The following TNFSF11 variants were observed in gnomAD, a reference collection of about 807,000 sequenced individuals.
TNFSF11 encodes tumor necrosis factor ligand superfamily member 11.
Under a neutral mutation model 32.2 loss-of-function variants are expected in TNFSF11, and 12 were observed. The ratio of observed to expected loss-of-function variants is 0.37; its 90% confidence interval spans 0.24 to 0.60. The LOEUF is 0.60. Among genes scored for constraint, TNFSF11 ranks in the 20% least tolerant of loss-of-function variants. The probability of loss-of-function intolerance (pLI) is 0.66; values close to 1 mark genes in which losing one functional copy is unlikely to be tolerated. For synonymous variants in TNFSF11, 172 were observed against 152.1 expected (o/e 1.13, Z -0.96); for missense variants, 345 against 398.0 (o/e 0.87, Z 1.13).
rs1169547336 is a variant in TNFSF11, at chr13:42,599,382, A to ATCTATCTATCTATCTG, written c.388-1367_388-1366insATCTATCTATCTGTCT. Among the ~76,000 whole-genome samples the ATCTATCTATCTATCTG allele has an allele frequency of 1.6e-3, 241 of 150,836 alleles. 1 individual carries two copies. The highest frequency in any genetic ancestry group is 5.7e-3 in the African/African-American group (231 of 40,734). On this transcript the variant is annotated intron_variant, in intron 2 of 4. Coordinates refer to ENST00000398795, the MANE Select transcript of TNFSF11 (RefSeq NM_003701.4). ...TATCTATCTATCTATCTATCTATCTATCTGTCTATCTCAAAGCCCTCCTCT... is the reference window on the plus strand; with the variant it reads ...TATCTATCTATCTATCTATCTATCTATCTATCTATCTATCTGTCTGTCTATCTCAAAGCCCTCCTCT...
At chr13:42,589,998 G>C (rs931381909) in intron 2 of TNFSF11, among the ~76,000 whole-genome samples, 1 of 152,218 alleles carries the variant, frequency 6.6e-6, no homozygotes, top group Admixed American at 6.5e-5. Flanking sequence ...ACCCACCTGT[G>C]GGGGTAGGTG....
At chr13:42,585,033 G>A (rs1303450929) in intron 2 of TNFSF11, among the ~76,000 whole-genome samples, 1 of 152,184 alleles carries the variant, frequency 6.6e-6, no homozygotes, top group Middle Eastern at 3.2e-3. Flanking sequence ...CACGTAATGT[G>A]CTAGGCACCT....
chr13:42,577,161 C>T (rs535181807), intron 1 of TNFSF11, among the ~76,000 whole-genome samples: 32 of 152,050 alleles, frequency 2.1e-4, no homozygotes, highest in Middle Eastern at 6.8e-3. Context: ...TTAAAAATGA[C>T]GAATTAGTTT....
intron 4 of TNFSF11, among the ~76,000 whole-genome samples, chr13:42,605,594 A>AT (rs1869412643): frequency 6.6e-6 from 1 of 151,748 alleles, no homozygotes; most frequent in African/African-American, 2.4e-5. Context: ...TTCTTTAGAA[A>AT]TTTTTACTGC....
At chr13:42,597,860 C>A (rs1566386349) in intron 2 of TNFSF11, among the ~76,000 whole-genome samples, 1 of 151,896 alleles carries the variant, frequency 6.6e-6, no homozygotes, top group Non-Finnish European at 1.5e-5. Flanking sequence ...CTTTTCTTTT[C>A]TTTTTTTTAG....
At chr13:42,574,648 C>T in intron 1 of TNFSF11, 126 bp downstream of exon 1, 2 of 1,198,828 alleles carry the variant, frequency 1.7e-6, no homozygotes, top group Non-Finnish European at 2.4e-6. Context: ...GGGAAAGTGA[C>T]TCCAGAAGGG....
chr13:42,579,704 C>CTTTTTTTTTTTTTT lies in TNFSF11; in HGVS notation c.220-1411_220-1398dup, dbSNP rs59375842. 5.5e-4 allele frequency among the ~76,000 whole-genome samples: 36 copies of CTTTTTTTTTTTTTT among 65,502 alleles called. 1 individual carries two copies. Among genetic ancestry groups the CTTTTTTTTTTTTTT allele is most frequent in the African/African-American group, 1.6e-3 (27 of 16,502 alleles). The allele number at this position is 65,502 out of a possible 152,430, so 43.0% of individuals were successfully genotyped here. A position where few individuals can be genotyped will look rare whatever the true frequency, so the allele number is the denominator to read the frequency against. On this transcript the variant is annotated intron_variant, in intron 1 of 4. Transcript: ENST00000398795. ...GGATACACACCGGCATAAGTAAGCC[C>CTTTTTTTTTTTTTT]TTTTTTTTTTTTTTTTTTTTTTTTG...
chr13:42,583,409 G>A, intron 2 of TNFSF11, among the ~76,000 whole-genome samples: 1 of 21,120 alleles, frequency 4.7e-5, no homozygotes, highest in African/African-American at 2.2e-4. Context: ...GACATAGCAA[G>A]ACCCTGCTAA....
chr13:42,589,289 C>T (rs532471763), intron 2 of TNFSF11, among the ~76,000 whole-genome samples: 1 of 152,172 alleles, frequency 6.6e-6, no homozygotes, highest in Admixed American at 6.5e-5. Flanking sequence ...TGAATTCTAC[C>T]GCCTTACAAA....
intron 2 of TNFSF11, among the ~76,000 whole-genome samples, chr13:42,582,508 A>G (rs1461337330): frequency 1.3e-5 from 2 of 152,272 alleles, no homozygotes; most frequent in Non-Finnish European, 2.9e-5. Flanking sequence ...AAACATGATC[A>G]TCATAGGTTC....
intron 1 of TNFSF11, among the ~76,000 whole-genome samples, chr13:42,563,171 C>T (rs934732695): frequency 2.0e-5 from 3 of 152,192 alleles, no homozygotes; most frequent in African/African-American, 4.8e-5. Flanking sequence ...CCTCCAGTTC[C>T]ATCCCACCCA....
chr13:42,564,141 A>AT (rs201536189), intron 1 of TNFSF11, among the ~76,000 whole-genome samples: 2,503 of 152,016 alleles, frequency 0.016, 71 homozygotes, highest in African/African-American at 0.057. Context: ...TAGATATTTT[A>AT]TTTTTTTGTT....
intron 1 of TNFSF11, among the ~76,000 whole-genome samples, chr13:42,563,663 CAAAA>C (rs34732335): frequency 7.1e-5 from 9 of 127,314 alleles, no homozygotes; most frequent in African/African-American, 8.7e-5. Flanking sequence ...AACTCCGTCT[CAAAA>C]AAAAAAAAAA....
chr13:42,580,725 T>A (rs927723837), intron 1 of TNFSF11, among the ~76,000 whole-genome samples: 1 of 152,166 alleles, frequency 6.6e-6, no homozygotes, highest in Admixed American at 6.5e-5. Context: ...CATAATCCCA[T>A]CTAGCATGTT....
chr13:42,577,899 T>C (rs2137859562), intron 1 of TNFSF11, among the ~76,000 whole-genome samples: 1 of 152,344 alleles, frequency 6.6e-6, no homozygotes, highest in Non-Finnish European at 1.5e-5. Flanking sequence ...ATTTTAACAG[T>C]CCATTTTAAG....
chr13:42,564,499 GA>G (rs1290704307), intron 1 of TNFSF11, among the ~76,000 whole-genome samples: 2 of 151,846 alleles, frequency 1.3e-5, no homozygotes, highest in African/African-American at 2.4e-5. Flanking sequence ...TCCAGAAGGT[GA>G]AGGTTGCGGT....
chr13:42,598,972 G>A (rs1260322136), intron 2 of TNFSF11, among the ~76,000 whole-genome samples: 3 of 152,172 alleles, frequency 2.0e-5, no homozygotes, highest in Non-Finnish European at 4.4e-5. Flanking sequence ...AACGAGGCCT[G>A]GGAAGGGCCA....
intron 1 of TNFSF11, among the ~76,000 whole-genome samples, chr13:42,575,824 C>A (rs1873281991): frequency 6.6e-6 from 1 of 152,146 alleles, no homozygotes; most frequent in South Asian, 2.1e-4. Flanking sequence ...ACACAGATAA[C>A]AAATCTATAT....
At chr13:42,577,792 A>T (rs1331228791) in intron 1 of TNFSF11, among the ~76,000 whole-genome samples, 1 of 152,250 alleles carries the variant, frequency 6.6e-6, no homozygotes, top group Non-Finnish European at 1.5e-5. Context: ...ACAAACGTCA[A>T]GCATCCTGCC....
Sources: allele counts gnomAD v4.1 joint callset (sites outside exome capture counted in the v4.1 genomes callset), GRCh38; gene constraint gnomAD v4.1.1; transcripts MANE v1.5; gene names NCBI Gene and HGNC (gene_info 2026-07-23, HGNC 2026-07-21).